The following PTPN13 variants were observed in gnomAD, a reference collection of about 807,000 sequenced individuals.
PTPN13 encodes the protein tyrosine-protein phosphatase non-receptor type 13.
Under a neutral mutation model 284.0 loss-of-function variants are expected in PTPN13, and 191 were observed. The ratio of observed to expected loss-of-function variants is 0.67; its 90% CI spans 0.60 to 0.76. The LOEUF is 0.76. PTPN13 is among the 30% of genes least tolerant of loss of function. The probability of loss-of-function intolerance (pLI) is 0.00; values close to 1 mark genes in which losing one functional copy is unlikely to be tolerated. For missense variants in PTPN13, 2,797 were observed against 2,939.9 expected, an observed-to-expected ratio of 0.95 and a Z score of 1.12; for synonymous variants, 986 against 1,022.3, an observed-to-expected ratio of 0.96 and a Z score of 0.68.
chr4:86,765,256 C>T (rs1381246777), intron 25 of PTPN13, 139 bp from the exon 26 acceptor site: 2 of 603,178 alleles, frequency 3.3e-6, no homozygotes, highest in East Asian at 5.6e-5. Flanking sequence ...CATTAGTATA[C>T]TAATGAATAT....
intron 44 of PTPN13, among the ~76,000 whole-genome samples, chr4:86,805,681 A>AAAATTAAAAAAATTAAAAAAT (rs1258684645): frequency 6.6e-6 from 1 of 152,166 alleles, no homozygotes; most frequent in South Asian, 2.1e-4. Context: ...AAAAATAGGA[A>AAAATTAAAAAAATTAAAAAAT]CTGGCTTCTG....
chr4:86,785,750 T>C (rs1741822255), intron 39 of PTPN13, 98 bp from the exon 40 acceptor site: 2 of 578,586 alleles, frequency 3.5e-6, no homozygotes, highest in Admixed American at 7.7e-5. Context: ...TTTATGGATA[T>C]TGGTTTATAC....
intron 46 of PTPN13, 57 bp from the exon 47 acceptor site, chr4:86,810,989 T>C: frequency 2.0e-6 from 3 of 1,528,536 alleles, no homozygotes; most frequent in Non-Finnish European, 2.7e-6. Flanking sequence ...GTGATCCTTT[T>C]GAGATTCAAA....
intron 2 of PTPN13, among the ~76,000 whole-genome samples, chr4:86,656,242 C>T (rs1273803316): frequency 2.6e-5 from 4 of 152,220 alleles, no homozygotes; most frequent in South Asian, 2.1e-4. Context: ...TCTCCCAACT[C>T]GTCAAAGTCA....
Position 86,769,874 on chromosome 4 carries a change from G to C in PTPN13, c.4595G>C (p.Arg1532Thr). 1 of 1,613,884 alleles carries C rather than the reference G, an allele frequency of 6.2e-7. No individual in the cohort carries two copies. The highest frequency in any genetic ancestry group is 8.5e-7 in the Non-Finnish European group (1 of 1,179,834). The change falls in exon 29 of 48, where the codon AGG becomes ACG. Residue 1532 changes from arginine to threonine, a missense_variant. Physicochemically the swap from Arg to Thr is moderately conservative, Grantham distance 71. Coordinates refer to ENST00000411767, the MANE Select transcript of PTPN13 (RefSeq NM_080683.3). ...GAGCAAATTAATGCCAGCATAGTAA[G>C]GGTTAAAAAGCTCTTTCCTGGACAG... ...IPEQINASIV[R>T]VKKLFPGQPA...
At chr4:86,737,848 CCT>C (rs1456418909) in intron 15 of PTPN13, among the ~76,000 whole-genome samples, 1 of 152,120 alleles carries the variant, frequency 6.6e-6, no homozygotes, top group African/African-American at 2.4e-5. Flanking sequence ...CCTGCCTCAG[CCT>C]CTCAAGTAGC....
chr4:86,807,735 G>C lies in PTPN13; in HGVS notation c.6921G>C (p.Met2307Ile), dbSNP rs1744805068. Reference sequence around the variant, plus strand: ...AGCAAAAATCCACAGTGATAGCCATGATGACTCAAGAAGTAGAAGGAGAAA... The same window carrying C: ...AGCAAAAATCCACAGTGATAGCCATCATGACTCAAGAAGTAGAAGGAGAAA... ...IWEQKSTVIA[M>I]MTQEVEGEKI... Residue 2307 changes from methionine to isoleucine, a missense_variant, in exon 45 of 48, where the codon ATG (methionine) becomes ATC (isoleucine). Coordinates refer to ENST00000411767, the MANE Select transcript of PTPN13 (RefSeq NM_080683.3). The C allele has an allele frequency of 6.2e-7, 1 of 1,614,030 alleles. No homozygotes were observed. Among genetic ancestry groups the C allele is most frequent in the Non-Finnish European group, 8.5e-7 (1 of 1,179,894 alleles).
intron 15 of PTPN13, among the ~76,000 whole-genome samples, chr4:86,739,837 A>C (rs1289821513): frequency 2.6e-5 from 4 of 152,218 alleles, no homozygotes; most frequent in Non-Finnish European, 5.9e-5. Context: ...TTGGGTAAAT[A>C]CAGCCATTCC....
At chr4:86,711,532 C>G (rs1732417856) in intron 7 of PTPN13, among the ~76,000 whole-genome samples, 1 of 152,062 alleles carries the variant, frequency 6.6e-6, no homozygotes. Flanking sequence ...CTTTTCTTCT[C>G]ATTAATATTT....
At chr4:86,621,458 A>C (rs1231694539) in intron 1 of PTPN13, among the ~76,000 whole-genome samples, 1 of 152,216 alleles carries the variant, frequency 6.6e-6, no homozygotes, top group Non-Finnish European at 1.5e-5. Context: ...CTGCAATTCA[A>C]AATCCAAAAA....
chr4:86,699,985 T>C (rs1730982629), intron 6 of PTPN13, among the ~76,000 whole-genome samples: 1 of 152,188 alleles, frequency 6.6e-6, no homozygotes, highest in Admixed American at 6.5e-5. Context: ...GTGTTCTTTA[T>C]CTGATGTGCC....
intron 17 of PTPN13, among the ~76,000 whole-genome samples, chr4:86,745,937 G>A (rs1029414029): frequency 4.6e-5 from 7 of 152,090 alleles, no homozygotes; most frequent in African/African-American, 1.7e-4. Flanking sequence ...ATAAATGGAA[G>A]GGCTTTAGAG....
intron 35 of PTPN13, among the ~76,000 whole-genome samples, chr4:86,776,246 C>T (rs945174417): frequency 3.3e-5 from 5 of 152,098 alleles, no homozygotes; most frequent in African/African-American, 1.2e-4. Flanking sequence ...CTACCTGGCC[C>T]GAAATTTATT....
chr4:86,794,487 G>C (rs907930720), intron 40 of PTPN13, among the ~76,000 whole-genome samples: 1 of 152,140 alleles, frequency 6.6e-6, no homozygotes. Flanking sequence ...GTAATTTATA[G>C]ATTCAATGCT....
At chr4:86,600,134 T>A (rs986529750) in intron 1 of PTPN13, among the ~76,000 whole-genome samples, 2 of 152,140 alleles carry the variant, frequency 1.3e-5, no homozygotes, top group African/African-American at 2.4e-5. Flanking sequence ...AATTTTTTTC[T>A]TATAGGGGAA....
chr4:86,695,829 A>C (rs1396658354), intron 6 of PTPN13, among the ~76,000 whole-genome samples: 5 of 152,006 alleles, frequency 3.3e-5, no homozygotes, highest in Admixed American at 2.0e-4. Flanking sequence ...TTCTTGATTT[A>C]GTAACTGTAA....
intron 7 of PTPN13, among the ~76,000 whole-genome samples, chr4:86,712,727 A>G (rs537300028): frequency 2.0e-5 from 3 of 152,122 alleles, no homozygotes; most frequent in Non-Finnish European, 2.9e-5. Context: ...CCGAAGGTGT[A>G]TTACTGAAAA....
rs1036473439 is a variant in PTPN13, at chr4:86,652,593, G to A, written c.115+17222G>A. 3.3e-5 allele frequency among the ~76,000 whole-genome samples: 5 copies of A among 152,188 alleles called. 1 individual carries two copies. Among genetic ancestry groups the A allele is most frequent in the South Asian group, 4.1e-4 (2 of 4,820 alleles). The stretch of plus-strand genomic sequence containing the variant: ...TGAATGGGTCATTCCATTTCCTCCT[G>A]GCCTATGAGGTGTCCAGTAGGAATT... On this transcript the variant is annotated intron_variant, in intron 2 of 47. Coordinates refer to ENST00000411767, the MANE Select transcript of PTPN13 (RefSeq NM_080683.3).
intron 1 of PTPN13, among the ~76,000 whole-genome samples, chr4:86,614,051 C>T (rs752104236): frequency 2.5e-4 from 38 of 152,170 alleles, no homozygotes; most frequent in Non-Finnish European, 3.1e-4. Flanking sequence ...GGGTAAGGGG[C>T]TCAGAGATAC....
Sources: gnomAD v4.1 joint callset for allele counts (sites outside exome capture counted in the v4.1 genomes callset) on GRCh38, gnomAD v4.1.1 for gene constraint, MANE v1.5 for transcripts, NCBI Gene and HGNC (gene_info 2026-07-23, HGNC 2026-07-21) for gene names.